The following MAPRE2 variants were observed in gnomAD, a reference collection of about 807,000 sequenced individuals.
The protein encoded by MAPRE2 is microtubule-associated protein RP/EB family member 2.
A neutral mutation model predicts 43.2 loss-of-function variants in MAPRE2; 13 were observed. That is an observed-to-expected ratio of 0.30 (90% CI 0.20 to 0.48). The LOEUF is 0.48. Ranked by LOEUF, MAPRE2 falls within the 20% of genes least tolerant of loss-of-function variation. The probability of loss-of-function intolerance (pLI) is 0.99; values close to 1 mark genes in which losing one functional copy is unlikely to be tolerated. For synonymous variants in MAPRE2, 135 were observed against 148.8 expected (o/e 0.91, Z 0.68); for missense variants, 161 against 400.2 (o/e 0.40, Z 5.10).
At chr18:35,050,565 A>G (rs1905886101) in intron 1 of MAPRE2, among the ~76,000 whole-genome samples, 1 of 152,186 alleles carries the variant, frequency 6.6e-6, no homozygotes, top group African/African-American at 2.4e-5. Flanking sequence ...ACTAACTGCA[A>G]AATAATACTC....
chr18:35,074,289 A>T (rs1298073329), intron 2 of MAPRE2, among the ~76,000 whole-genome samples: 2 of 151,352 alleles, frequency 1.3e-5, no homozygotes, highest in Admixed American at 6.6e-5. Context: ...GTGATAGGGA[A>T]TTTTTTTTTC....
chr18:35,109,985 C>T lies in MAPRE2; in HGVS notation c.610+7826C>T, dbSNP rs139043051. On this transcript the variant is annotated intron_variant, in intron 4 of 6. Transcript: ENST00000300249. ...AATTTACTTACCGCCTTTTAAACTA[C>T]ACCTCTTTGCACTAATTTTTTAGGG... 3.4e-3 allele frequency among the ~76,000 whole-genome samples: 516 copies of T among 152,206 alleles called. 1 individual carries two copies. The highest frequency in any genetic ancestry group is 8.1e-3 in the South Asian group (39 of 4,832).
intron 2 of MAPRE2, among the ~76,000 whole-genome samples, chr18:35,023,239 G>C (rs1014096479): frequency 6.6e-6 from 1 of 152,058 alleles, no homozygotes; most frequent in African/African-American, 2.4e-5. Flanking sequence ...TTGGCCGGGC[G>C]TGGTGGCTTA....
intron 1 of MAPRE2, among the ~76,000 whole-genome samples, chr18:35,048,028 A>G (rs1345864590): frequency 6.6e-6 from 1 of 152,254 alleles, no homozygotes; most frequent in African/African-American, 2.4e-5. Context: ...ACAGAAAGAC[A>G]ACATGGCAAG....
intron 2 of MAPRE2, among the ~76,000 whole-genome samples, chr18:35,035,432 C>T (rs897253748): frequency 1.3e-5 from 2 of 151,776 alleles, no homozygotes; most frequent in African/African-American, 4.8e-5. Flanking sequence ...TTAATGGGTG[C>T]AGCACACCAG....
intron 6 of MAPRE2, among the ~76,000 whole-genome samples, chr18:35,134,195 T>G (rs1275028215): frequency 1.3e-5 from 2 of 152,216 alleles, no homozygotes; most frequent in Non-Finnish European, 2.9e-5. Flanking sequence ...TGAGGGAAAC[T>G]AAGGCAGCAG....
At chr18:35,066,063 C>T (rs1906824514) in intron 1 of MAPRE2, among the ~76,000 whole-genome samples, 1 of 152,234 alleles carries the variant, frequency 6.6e-6, no homozygotes, top group Non-Finnish European at 1.5e-5. Flanking sequence ...GAATAAACCC[C>T]GCACAGTGAG....
chr18:35,090,228 A>G (rs1695904763), intron 2 of MAPRE2, among the ~76,000 whole-genome samples: 1 of 152,194 alleles, frequency 6.6e-6, no homozygotes, highest in African/African-American at 2.4e-5. Flanking sequence ...CAATGGATGA[A>G]CAATTCTGTG....
At chr18:35,134,667 C>G (rs1423163499) in intron 6 of MAPRE2, among the ~76,000 whole-genome samples, 2 of 152,166 alleles carry the variant, frequency 1.3e-5, no homozygotes, top group African/African-American at 2.4e-5. Flanking sequence ...GTTGAACACG[C>G]CCTGTGTGTG....
rs141772113 is a variant in MAPRE2, at chr18:35,081,654, C to A, written c.250+11332C>A. Reference sequence around the variant, plus strand: ...AAGTATGGAGTTCTCACCTGCAAGTCTTGGGGAGAGGGTGAAATGGCTGAA... The same window carrying A: ...AAGTATGGAGTTCTCACCTGCAAGTATTGGGGAGAGGGTGAAATGGCTGAA... On this transcript the variant is annotated intron_variant, in intron 2 of 6. Coordinates refer to ENST00000300249, the MANE Select transcript of MAPRE2 (RefSeq NM_014268.4). 5.8e-3 allele frequency among the ~76,000 whole-genome samples: 881 copies of A among 152,218 alleles called. 8 individuals carry two copies. Among genetic ancestry groups the A allele is most frequent in the South Asian group, 0.039 (187 of 4,820 alleles).
At chr18:35,104,830 G>T (rs1908833748) in intron 4 of MAPRE2, among the ~76,000 whole-genome samples, 1 of 152,082 alleles carries the variant, frequency 6.6e-6, no homozygotes, top group Admixed American at 6.6e-5. Flanking sequence ...TGTCGGGTGG[G>T]AGGACAAAAA....
intron 4 of MAPRE2, among the ~76,000 whole-genome samples, chr18:35,125,221 C>T (rs544291873): frequency 6.6e-6 from 1 of 152,290 alleles, no homozygotes; most frequent in Non-Finnish European, 1.5e-5. Flanking sequence ...CACCTGAAGA[C>T]ACAAATATAA....
chr18:35,019,329 C>A (rs1469827617), intron 2 of MAPRE2, among the ~76,000 whole-genome samples: 4 of 151,816 alleles, frequency 2.6e-5, no homozygotes, highest in Non-Finnish European at 5.9e-5. Flanking sequence ...TATTCTGTAG[C>A]TGTCTATTAG....
chr18:34,991,187 C>T (rs987107136), intron 1 of MAPRE2, among the ~76,000 whole-genome samples: 2 of 152,114 alleles, frequency 1.3e-5, no homozygotes, highest in African/African-American at 4.8e-5. Context: ...CTCTTTCCTC[C>T]CCTCTCTTCC....
chr18:35,139,949 T>A (rs1159035243), intron 6 of MAPRE2, among the ~76,000 whole-genome samples: 1 of 152,238 alleles, frequency 6.6e-6, no homozygotes, highest in Non-Finnish European at 1.5e-5. Context: ...GTTGTCATGA[T>A]GCTCTTGGAT....
At chr18:35,041,782 G>A in intron 1 of MAPRE2, 121 bp downstream of exon 1, 1 of 1,535,836 alleles carries the variant, frequency 6.5e-7, no homozygotes. Context: ...CATTTGTGAA[G>A]GCGGTTGTGA....
At chr18:34,978,569 C>A (rs956384074) in intron 1 of MAPRE2, 8 of 1,550,824 alleles carry the variant, frequency 5.2e-6, no homozygotes, top group Non-Finnish European at 7.0e-6. Context: ...AACATTTCCC[C>A]TGCTTCTCCT....
At chr18:35,027,664 C>A (rs1401713548) in intron 2 of MAPRE2, among the ~76,000 whole-genome samples, 1 of 152,168 alleles carries the variant, frequency 6.6e-6, no homozygotes, top group Non-Finnish European at 1.5e-5. Context: ...TTTAGAGTCA[C>A]AATAGAGAAC....
chr18:35,035,056 T>C (rs901116462), intron 2 of MAPRE2, among the ~76,000 whole-genome samples: 4 of 152,064 alleles, frequency 2.6e-5, no homozygotes, highest in Admixed American at 1.3e-4. Flanking sequence ...TAAAGACACA[T>C]GCACACGTAT....
Sources: gnomAD v4.1 joint callset for allele counts (sites outside exome capture counted in the v4.1 genomes callset) on GRCh38, gnomAD v4.1.1 for gene constraint, MANE v1.5 for transcripts, NCBI Gene and HGNC (gene_info 2026-07-23, HGNC 2026-07-21) for gene names.